Variants in XIST observed in about 807,000 individuals in gnomAD.
XIST encodes the protein X inactive specific transcript (non-protein coding).
chrX:73,838,051 G>A (rs1922517875), intron 1 of XIST, among the ~76,000 whole-genome samples: 1 of 111,719 alleles, frequency 9.0e-6, no homozygotes, highest in South Asian at 3.6e-4. Context: ...TCAATCTGCT[G>A]TAAAAAATAA....
At chrX:73,823,050 G>T (rs763258282) in exon 6 of XIST, 1 of 553,504 alleles carries the variant, frequency 1.8e-6, no homozygotes, top group Admixed American at 2.3e-5. Flanking sequence ...AAATGCAAAA[G>T]AATCTTTTTT....
intron 2 of XIST, among the ~76,000 whole-genome samples, chrX:73,835,500 G>A (rs1451405656): frequency 8.9e-6 from 1 of 111,968 alleles, no homozygotes; most frequent in African/African-American, 3.2e-5. Flanking sequence ...TACTATAATA[G>A]TAGTGCCATA....
At chrX:73,823,493 A>C (rs907509680) in exon 6 of XIST, 2 of 524,839 alleles carry the variant, frequency 3.8e-6, no homozygotes, top group Non-Finnish European at 3.4e-6. Flanking sequence ...TCTTATCCTC[A>C]GGACCCAGAA....
At chrX:73,825,402 T>C (rs1569511614) in exon 6 of XIST, 1 of 557,158 alleles carries the variant, frequency 1.8e-6, no homozygotes, top group East Asian at 3.3e-5. Flanking sequence ...CTTATCACAG[T>C]AGAATACAAG....
exon 6 of XIST, chrX:73,826,336 G>A: frequency 1.8e-6 from 1 of 558,993 alleles, no homozygotes; most frequent in Non-Finnish European, 3.2e-6. Flanking sequence ...TCACCTATAT[G>A]AATGTCTGCT....
At chrX:73,823,309 C>CTTTTT (rs375977945) in exon 6 of XIST, 5 of 438,170 alleles carry the variant, frequency 1.1e-5, no homozygotes, top group African/African-American at 2.9e-5. Context: ...ATTTTTCTTT[C>CTTTTT]TTTTTTTTTT....
At chrX:73,835,566 T>C (rs1273389768) in intron 2 of XIST, among the ~76,000 whole-genome samples, 2 of 112,431 alleles carry the variant, frequency 1.8e-5, no homozygotes, top group Admixed American at 1.9e-4. Flanking sequence ...TGTTTTATAG[T>C]TGTATTATAG....
At chrX:73,825,548 A>G in exon 6 of XIST, 2 of 515,271 alleles carry the variant, frequency 3.9e-6, no homozygotes, top group Non-Finnish European at 3.5e-6. Context: ...TTTTCTCTGA[A>G]TAACAAATAA....
chrX:73,841,843 C>T (rs1316280556), exon 1 of XIST: 6 of 511,909 alleles, frequency 1.2e-5, no homozygotes, highest in African/African-American at 1.2e-4. Context: ...CATATGTTCC[C>T]TCATTTAATC....
At chrX:73,849,056 T>G (rs759642417) in exon 1 of XIST, 1 of 559,175 alleles carries the variant, frequency 1.8e-6, no homozygotes, top group Non-Finnish European at 3.2e-6. Flanking sequence ...CTAACAGAAC[T>G]ATGGATAATT....
intron 1 of XIST, among the ~76,000 whole-genome samples, chrX:73,841,099 T>C (rs901411325): frequency 8.9e-6 from 1 of 111,901 alleles, no homozygotes; most frequent in Non-Finnish European, 1.9e-5. Context: ...ATCTCAGGAA[T>C]GAAATTATAT....
intron 2 of XIST, among the ~76,000 whole-genome samples, chrX:73,834,030 T>C (rs1418067900): frequency 8.9e-6 from 1 of 112,058 alleles, no homozygotes; most frequent in Non-Finnish European, 1.9e-5. Flanking sequence ...TGTTCTATGA[T>C]GTTCTCAATA....
chrX:73,852,236 G>C, exon 1 of XIST: 1 of 539,708 alleles, frequency 1.9e-6, no homozygotes, highest in Non-Finnish European at 3.3e-6. Context: ...GCAGGTATCC[G>C]ATACCCCGAT....
In XIST at chrX:73,829,386, T is replaced by G. The variant is rs144774345; in HGVS notation, n.11753-155A>C. 1,769 of 411,665 alleles carry G rather than the reference T, an allele frequency of 4.3e-3. 4 individuals carry two copies. The highest frequency in any genetic ancestry group is 6.4e-3 in the Non-Finnish European group (1,508 of 237,026). The allele number at this position is 411,665 out of a possible 1,213,427, so 33.9% of individuals were successfully genotyped here. ...ACTTTTAGGTCTTTAGAGAGAAAAT[T>G]TCCTCATTCAACAGAATAGGAAACT... On this transcript the variant is annotated intron_variant and non_coding_transcript_variant, in intron 4 of 5. Coordinates refer to ENST00000429829, the Ensembl canonical transcript of XIST.
chrX:73,825,454 G>T (rs1479894099), exon 6 of XIST: 4 of 531,859 alleles, frequency 7.5e-6, no homozygotes, highest in Non-Finnish European at 1.4e-5. Flanking sequence ...TTTTTTTCAG[G>T]TCACCTAGAT....
chrX:73,850,576 G>C, exon 1 of XIST: 1 of 543,620 alleles, frequency 1.8e-6, no homozygotes, highest in South Asian at 2.4e-5. Context: ...GTTGGCCAAC[G>C]ATCATCTGTG....
At chrX:73,848,882 A>C (rs766553854) in exon 1 of XIST, 5 of 557,339 alleles carry the variant, frequency 9.0e-6, no homozygotes, top group Non-Finnish European at 1.6e-5. Flanking sequence ...AGTTCACACT[A>C]TCTAGGAGCA....
At chrX:73,831,976 C>T (rs751759335) in intron 3 of XIST, among the ~76,000 whole-genome samples, 3 of 112,036 alleles carry the variant, frequency 2.7e-5, no homozygotes, top group South Asian at 3.7e-4. Flanking sequence ...TATAATAGGG[C>T]GCCACCAAAG....
At chrX:73,838,670 T>A (rs1922529689) in intron 1 of XIST, among the ~76,000 whole-genome samples, 1 of 111,113 alleles carries the variant, frequency 9.0e-6, no homozygotes, top group Non-Finnish European at 1.9e-5. Context: ...AACAAAAACA[T>A]GACCAACTCG....
Sources: gnomAD v4.1 joint callset for allele counts (sites outside exome capture counted in the v4.1 genomes callset) on GRCh38, gnomAD v4.1.1 for gene constraint, MANE v1.5 for transcripts, NCBI Gene and HGNC (gene_info 2026-07-23, HGNC 2026-07-21) for gene names.